The following COL25A1 variants were observed in gnomAD, a reference collection of about 807,000 sequenced individuals.
COL25A1 encodes collagen alpha-1(XXV) chain.
In COL25A1, 103 loss-of-function variants were observed where a neutral mutation model predicts 128.4. The observed-to-expected ratio is 0.80, with a 90% CI of 0.68 to 0.94. The LOEUF is 0.94. Among genes scored for constraint, COL25A1 ranks in the 40% least tolerant of loss-of-function variants. COL25A1 has a pLI of 0.00. For synonymous variants in COL25A1, 279 were observed against 277.2 expected, an observed-to-expected ratio of 1.01 and a Z score of -0.06; for missense variants, 745 against 840.0, an observed-to-expected ratio of 0.89 and a Z score of 1.40.
At chr4:108,865,781 G>A (rs995305027) in intron 20 of COL25A1, among the ~76,000 whole-genome samples, 3 of 152,176 alleles carry the variant, frequency 2.0e-5, no homozygotes, top group Non-Finnish European at 4.4e-5. Flanking sequence ...TTTTAGAGAG[G>A]GGACCTTGCT....
intron 6 of COL25A1, among the ~76,000 whole-genome samples, chr4:108,977,527 C>A (rs182439620): frequency 6.6e-6 from 1 of 152,140 alleles, no homozygotes; most frequent in African/African-American, 2.4e-5. Context: ...TGTGGTGGGG[C>A]AGATGAAAGC....
intron 3 of COL25A1, among the ~76,000 whole-genome samples, chr4:109,248,563 C>T (rs1357645049): frequency 6.6e-6 from 1 of 152,160 alleles, no homozygotes; most frequent in Non-Finnish European, 1.5e-5. Context: ...CAGCATCTTC[C>T]TATTTTCATA....
At chr4:109,187,650 A>G (rs1225559243) in intron 3 of COL25A1, among the ~76,000 whole-genome samples, 1 of 152,040 alleles carries the variant, frequency 6.6e-6, no homozygotes. Flanking sequence ...TTGAAAAATT[A>G]TTTTTTTCTC....
At chr4:109,017,926 T>C (rs1320269427) in intron 5 of COL25A1, among the ~76,000 whole-genome samples, 2 of 152,184 alleles carry the variant, frequency 1.3e-5, no homozygotes, top group African/African-American at 4.8e-5. Flanking sequence ...TATTCAGATG[T>C]TTTTATTCTC....
chr4:109,213,787 CT>C (rs1777775233), intron 3 of COL25A1, among the ~76,000 whole-genome samples: 1 of 152,172 alleles, frequency 6.6e-6, no homozygotes, highest in Admixed American at 6.6e-5. Context: ...CTAACCTTAG[CT>C]GTCCAAATTG....
Position 109,004,960 on chromosome 4 carries a change from C to T in COL25A1, c.438+5398G>A, listed in dbSNP as rs534917468. The stretch of plus-strand genomic sequence containing the variant: ...TTGCACGGGAAAAACAAGTTAATTA[C>T]AATTCTGTCCAAGTCTTTTAATAAA... On this transcript the variant is annotated intron_variant, in intron 6 of 37. Coordinates refer to ENST00000399132, the MANE Select transcript of COL25A1 (RefSeq NM_198721.4). Among the ~76,000 whole-genome samples, 27 of 148,150 alleles carry T rather than the reference C, an allele frequency of 1.8e-4. No individual in the cohort carries two copies. The East Asian group carries it at 4.8e-3, about 26-fold the overall frequency.
chr4:109,288,249 G>C (rs1003381799), intron 3 of COL25A1, among the ~76,000 whole-genome samples: 8 of 152,012 alleles, frequency 5.3e-5, no homozygotes, highest in African/African-American at 9.7e-5. Flanking sequence ...AAAGAAAAAG[G>C]CTAGATATTT....
At chr4:109,045,099 A>G (rs1487985508) in intron 5 of COL25A1, among the ~76,000 whole-genome samples, 1 of 152,160 alleles carries the variant, frequency 6.6e-6, no homozygotes, top group Non-Finnish European at 1.5e-5. Flanking sequence ...ATGAATAGTA[A>G]ATGTATTTTC....
intron 3 of COL25A1, among the ~76,000 whole-genome samples, chr4:109,256,085 G>GGTGTAT (rs1553968646): frequency 9.1e-5 from 13 of 143,354 alleles, no homozygotes; most frequent in African/African-American, 3.4e-4. Flanking sequence ...TTTAAGCATT[G>GGTGTAT]GTGTGTGTGT....
At chr4:109,039,327 C>A (rs1382232611) in intron 5 of COL25A1, among the ~76,000 whole-genome samples, 3 of 152,184 alleles carry the variant, frequency 2.0e-5, no homozygotes, top group African/African-American at 7.2e-5. Context: ...ATAGCCTCAT[C>A]CTGCTCCAAT....
At chr4:108,899,629 C>T (rs961481365) in intron 14 of COL25A1, among the ~76,000 whole-genome samples, 1 of 152,042 alleles carries the variant, frequency 6.6e-6, no homozygotes, top group African/African-American at 2.4e-5. Flanking sequence ...TCTAGGGTGC[C>T]AGGGTAGTTA....
At chr4:109,279,518 G>C (rs1723167040) in intron 3 of COL25A1, among the ~76,000 whole-genome samples, 1 of 152,152 alleles carries the variant, frequency 6.6e-6, no homozygotes, top group Admixed American at 6.5e-5. Context: ...TGAAGCAATA[G>C]TGAGCCCTGA....
At chr4:108,991,733 C>T (rs1754249989) in intron 6 of COL25A1, among the ~76,000 whole-genome samples, 1 of 152,058 alleles carries the variant, frequency 6.6e-6, no homozygotes, top group South Asian at 2.1e-4. Context: ...TACTTCCACT[C>T]CCCGCCCCCA....
intron 11 of COL25A1, among the ~76,000 whole-genome samples, chr4:108,930,285 G>A (rs562134001): frequency 4.6e-5 from 7 of 152,190 alleles, no homozygotes; most frequent in Admixed American, 1.3e-4. Flanking sequence ...TGCTTCCCAG[G>A]GGGTTAGGAA....
Position 109,049,088 on chromosome 4 carries a change from A to C in COL25A1, c.413-913T>G, listed in dbSNP as rs527692955. ...TAATAAATTTTCACAAATGCTTTTT[A>C]CTTTTACATCTTTCTTAAAATGGAA... On this transcript the variant is annotated intron_variant, in intron 4 of 37. Transcript: ENST00000399132. Among the ~76,000 whole-genome samples the C allele has an allele frequency of 1.0e-3, 153 of 152,260 alleles. 1 individual carries two copies. The highest frequency in any genetic ancestry group is 3.6e-3 in the African/African-American group (148 of 41,584).
chr4:108,852,297 C>T lies in COL25A1; in HGVS notation c.1345-17G>A. On this transcript the variant is annotated splice_polypyrimidine_tract_variant and intron_variant, in intron 25 of 37. Transcript: ENST00000399132. ...AGGGGGACCCTAAATCAAGAAAAAGCACAGTTTTTAAAAGTAGTAATTATA... is the reference window on the plus strand; with the variant it reads ...AGGGGGACCCTAAATCAAGAAAAAGTACAGTTTTTAAAAGTAGTAATTATA... The T allele has an allele frequency of 6.3e-7, 1 of 1,587,114 alleles. No homozygotes were observed. The highest frequency in any genetic ancestry group is 2.3e-5 in the East Asian group (1 of 44,162).
chr4:108,925,895 G>A (rs1021697272), intron 11 of COL25A1, among the ~76,000 whole-genome samples: 1 of 152,136 alleles, frequency 6.6e-6, no homozygotes, highest in Non-Finnish European at 1.5e-5. Flanking sequence ...AGAGTGTTGT[G>A]TATGTGTATG....
chr4:109,143,526 T>C (rs1443575588), intron 3 of COL25A1, among the ~76,000 whole-genome samples: 1 of 152,200 alleles, frequency 6.6e-6, no homozygotes, highest in Non-Finnish European at 1.5e-5. Flanking sequence ...ATTCTCCCCG[T>C]CACTTTCAGG....
intron 3 of COL25A1, among the ~76,000 whole-genome samples, chr4:109,290,881 G>A (rs1178706473): frequency 6.6e-6 from 1 of 152,122 alleles, no homozygotes; most frequent in African/African-American, 2.4e-5. Flanking sequence ...GACAAGCTTG[G>A]CCTATATGGT....
Sources: allele counts gnomAD v4.1 joint callset (sites outside exome capture counted in the v4.1 genomes callset), GRCh38; gene constraint gnomAD v4.1.1; transcripts MANE v1.5; gene names NCBI Gene and HGNC (gene_info 2026-07-23, HGNC 2026-07-21).